TRAPPC9: variants seen among roughly 807,000 people sequenced by gnomAD.
The protein encoded by TRAPPC9 is trafficking protein particle complex subunit 9, also known as IKK2 binding protein.
In TRAPPC9, 83 loss-of-function variants were observed where a neutral mutation model predicts 124.0. The ratio of observed to expected loss-of-function variants is 0.67; its 90% CI spans 0.56 to 0.80. TRAPPC9 has a LOEUF of 0.80. Ranked by LOEUF, TRAPPC9 falls within the 30% of genes least tolerant of loss-of-function variation. The pLI is 0.00. For synonymous variants in TRAPPC9, 638 were observed against 617.5 expected, an observed-to-expected ratio of 1.03 and a Z score of -0.49; for missense variants, 1,302 against 1,508.3, an observed-to-expected ratio of 0.86 and a Z score of 2.27.
chr8:140,281,515 A>G (rs572041904), intron 14 of TRAPPC9, among the ~76,000 whole-genome samples: 1 of 152,312 alleles, frequency 6.6e-6, no homozygotes, highest in East Asian at 1.9e-4. Context: ...GCTCTTTATC[A>G]GATATTTAAT....
chr8:139,895,002 C>T (rs1830573977), intron 20 of TRAPPC9, among the ~76,000 whole-genome samples: 1 of 152,180 alleles, frequency 6.6e-6, no homozygotes, highest in Admixed American at 6.5e-5. Context: ...CTAGGTGGGG[C>T]CAGGACAGTT....
chr8:139,924,318 C>G (rs1832679339), intron 19 of TRAPPC9, among the ~76,000 whole-genome samples: 1 of 152,360 alleles, frequency 6.6e-6, no homozygotes, highest in Admixed American at 6.5e-5. Flanking sequence ...GCAGTGGTAC[C>G]TGGCAACACT....
intron 6 of TRAPPC9, among the ~76,000 whole-genome samples, chr8:140,402,696 A>G (rs915266083): frequency 6.9e-6 from 1 of 145,704 alleles, no homozygotes; most frequent in South Asian, 2.1e-4. Flanking sequence ...ACCCTGTCTC[A>G]AAAAAAAAAA....
chr8:139,861,113 GC>G (rs1563870682), intron 21 of TRAPPC9, among the ~76,000 whole-genome samples: 1 of 152,244 alleles, frequency 6.6e-6, no homozygotes, highest in Non-Finnish European at 1.5e-5. Context: ...CCCTGCTGCC[GC>G]AAAGAAATAG....
chr8:139,798,667 C>A (rs149012638), intron 21 of TRAPPC9, among the ~76,000 whole-genome samples: 97 of 152,296 alleles, frequency 6.4e-4, no homozygotes, highest in Non-Finnish European at 9.3e-4. Context: ...TGGGGAAGAG[C>A]TGGTATGCCA....
At chr8:140,015,204 C>A (rs575509452) in intron 18 of TRAPPC9, among the ~76,000 whole-genome samples, 1 of 152,260 alleles carries the variant, frequency 6.6e-6, no homozygotes, top group Non-Finnish European at 1.5e-5. Context: ...ATTGTCCATG[C>A]TGCAGTGGCC....
At chr8:139,968,830 T>C (rs1262030067) in intron 19 of TRAPPC9, among the ~76,000 whole-genome samples, 1 of 151,916 alleles carries the variant, frequency 6.6e-6, no homozygotes, top group Non-Finnish European at 1.5e-5. Flanking sequence ...AGAGGTTAAG[T>C]CACTGACCCG....
intron 12 of TRAPPC9, among the ~76,000 whole-genome samples, chr8:140,290,540 C>A (rs1000186461): frequency 3.4e-5 from 4 of 117,912 alleles, no homozygotes; most frequent in African/African-American, 1.5e-4. Context: ...GATTTCAAAA[C>A]AAGAGAAAGC....
rs76593293 is a variant in TRAPPC9, at chr8:140,434,466, C to T, written c.859+646G>A. On this transcript the variant is annotated intron_variant, in intron 4 of 22. Transcript: ENST00000438773. ...CAGCCAATAAAATAAGAAACTGCTC[C>T]CAGGCCCTGAATCAGCTTATTAAAA... Among the ~76,000 whole-genome samples the T allele has an allele frequency of 7.3e-3, 1,117 of 152,246 alleles. 18 individuals are homozygous for T. Among genetic ancestry groups the T allele is most frequent in the African/African-American group, 0.025 (1,055 of 41,538 alleles).
At chr8:140,088,501 C>A (rs1844349341) in intron 17 of TRAPPC9, among the ~76,000 whole-genome samples, 1 of 152,172 alleles carries the variant, frequency 6.6e-6, no homozygotes, top group Admixed American at 6.5e-5. Flanking sequence ...GAAATTATGA[C>A]TTGAGAGCTG....
intron 17 of TRAPPC9, among the ~76,000 whole-genome samples, chr8:140,204,726 C>T (rs1262072708): frequency 2.0e-5 from 3 of 152,236 alleles, no homozygotes; most frequent in Non-Finnish European, 4.4e-5. Flanking sequence ...CTCTGAGGTC[C>T]TCACCAGAAG....
At chr8:139,922,861 G>T (rs1164413414) in intron 19 of TRAPPC9, among the ~76,000 whole-genome samples, 3 of 152,204 alleles carry the variant, frequency 2.0e-5, no homozygotes, top group Admixed American at 2.0e-4. Flanking sequence ...AGGTAGAGAG[G>T]GAAAGAATGA....
chr8:139,752,572 T>C (rs1039537071), intron 21 of TRAPPC9, among the ~76,000 whole-genome samples: 1 of 145,236 alleles, frequency 6.9e-6, no homozygotes, highest in Non-Finnish European at 1.5e-5. Context: ...GTACCCACCA[T>C]CAATCCAGCA....
chr8:140,406,926 C>T (rs73356477), intron 5 of TRAPPC9, among the ~76,000 whole-genome samples: 1 of 152,302 alleles, frequency 6.6e-6, no homozygotes, highest in Non-Finnish European at 1.5e-5. Flanking sequence ...CAAATCAGCA[C>T]GACCCGGTGA....
chr8:140,156,002 G>C (rs1021020887), intron 17 of TRAPPC9, among the ~76,000 whole-genome samples: 2 of 152,116 alleles, frequency 1.3e-5, no homozygotes, highest in Non-Finnish European at 2.9e-5. Context: ...GTTTGGAACT[G>C]GGGGGCCCGA....
intron 18 of TRAPPC9, among the ~76,000 whole-genome samples, chr8:140,000,856 A>G (rs527345628): frequency 6.6e-6 from 1 of 152,354 alleles, no homozygotes; most frequent in South Asian, 2.1e-4. Context: ...TGGAAATACC[A>G]TTTGAACCAG....
chr8:139,875,572 C>T (rs1024315190), intron 21 of TRAPPC9, among the ~76,000 whole-genome samples: 17 of 152,348 alleles, frequency 1.1e-4, no homozygotes, highest in African/African-American at 2.6e-4. Context: ...CTGGGCCATG[C>T]GACAGCCTTC....
chr8:139,749,110 T>C (rs892759733), intron 21 of TRAPPC9, among the ~76,000 whole-genome samples: 2 of 152,170 alleles, frequency 1.3e-5, no homozygotes, highest in African/African-American at 4.8e-5. Flanking sequence ...CTGTGGTCTC[T>C]CACCCCAGTG....
intron 19 of TRAPPC9, among the ~76,000 whole-genome samples, chr8:139,936,780 TGGAGAGAGTGGGGAGTGGG>T (rs1833554720): frequency 2.4e-5 from 3 of 123,854 alleles, no homozygotes; most frequent in African/African-American, 1.0e-4. Flanking sequence ...GTATAAAGCA[TGGAGAGAGTGGGGAGTGGG>T]CACTGCAGTG....
Sources: allele counts gnomAD v4.1 joint callset (sites outside exome capture counted in the v4.1 genomes callset), GRCh38; gene constraint gnomAD v4.1.1; transcripts MANE v1.5; gene names NCBI Gene and HGNC (gene_info 2026-07-23, HGNC 2026-07-21).